The following CORIN variants were observed in gnomAD, a reference collection of about 807,000 sequenced individuals.
CORIN encodes corin, serine peptidase.
CORIN carries 117 observed loss-of-function variants against 125.3 expected under a neutral mutation model. The ratio of observed to expected loss-of-function variants is 0.93; its 90% confidence interval spans 0.80 to 1.09. The LOEUF (loss-of-function observed/expected upper bound fraction) is 1.09. Ranked by LOEUF, CORIN falls within the 50% of genes least tolerant of loss-of-function variation. The pLI is 0.00. For synonymous variants in CORIN, 450 were observed against 466.4 expected (o/e 0.96, Z 0.45); for missense variants, 1,253 against 1,306.7 (o/e 0.96, Z 0.63).
intron 5 of CORIN, among the ~76,000 whole-genome samples, chr4:47,738,284 G>C (rs938457620): frequency 2.6e-5 from 4 of 152,158 alleles, no homozygotes; most frequent in Admixed American, 2.0e-4. Flanking sequence ...TGTAAACTCT[G>C]CTATAGTATT....
intron 5 of CORIN, among the ~76,000 whole-genome samples, chr4:47,707,411 T>C (rs1726623907): frequency 2.0e-5 from 3 of 152,196 alleles, no homozygotes; most frequent in African/African-American, 7.2e-5. Flanking sequence ...GAAGGAATCC[T>C]GGGAGGTCTC....
rs3749585 is a variant in CORIN, at chr4:47,595,573, A to G, written c.*148T>C. The stretch of plus-strand genomic sequence containing the variant: ...AAAATAAATTGAAAAAAATTAGTCC[A>G]AAACAAACATGCAAATTTGCAGTGC... On this transcript the variant is annotated 3_prime_UTR_variant, in exon 22 of 22. Transcript: ENST00000273857. 62,833 of 512,444 alleles carry G rather than the reference A, an allele frequency of 0.12. 6,367 individuals carry two copies. Among genetic ancestry groups the G allele is most frequent in the East Asian group, 0.48 (15,680 of 32,366 alleles). 31.7% of individuals were successfully genotyped at this position (512,444 alleles called of 1,614,324 possible).
Position 47,814,115 on chromosome 4 carries a change from G to T in CORIN, c.64-7068C>A, listed in dbSNP as rs181204455. On this transcript the variant is annotated intron_variant, in intron 1 of 21. Coordinates refer to ENST00000273857, the MANE Select transcript of CORIN (RefSeq NM_006587.4). ...TTTAGTACCTTAATTCTTTAGGTAGGAAGATGATAAACTGCAAATATACTC... is the reference window on the plus strand; with the variant it reads ...TTTAGTACCTTAATTCTTTAGGTAGTAAGATGATAAACTGCAAATATACTC... Among the ~76,000 whole-genome samples the T allele has an allele frequency of 6.6e-5, 10 of 152,220 alleles. No homozygotes were observed. In the East Asian group the frequency reaches 1.5e-3, roughly 23 times the overall value.
chr4:47,664,639 A>C (rs969411856), intron 11 of CORIN, among the ~76,000 whole-genome samples: 2 of 152,224 alleles, frequency 1.3e-5, no homozygotes, highest in Non-Finnish European at 2.9e-5. Flanking sequence ...CTTATGTCAT[A>C]TCTCTAACAA....
At chr4:47,685,274 A>C (rs555488967) in intron 6 of CORIN, among the ~76,000 whole-genome samples, 7 of 152,310 alleles carry the variant, frequency 4.6e-5, no homozygotes, top group Admixed American at 2.0e-4. Flanking sequence ...CCAACTACTC[A>C]CTAACTGGAA....
chr4:47,720,400 G>A (rs535781333), intron 5 of CORIN, among the ~76,000 whole-genome samples: 76 of 152,184 alleles, frequency 5.0e-4, no homozygotes, highest in African/African-American at 1.7e-3. Context: ...GTCAATATTC[G>A]CAGTTCTAAA....
At chr4:47,744,207 T>G (rs1296017240) in intron 5 of CORIN, among the ~76,000 whole-genome samples, 195 bp downstream of exon 5, 3 of 152,128 alleles carry the variant, frequency 2.0e-5, no homozygotes, top group African/African-American at 7.2e-5. Flanking sequence ...GGGTGAGATA[T>G]GACAGGCAGC....
chr4:47,639,332 T>G (rs558357112), intron 16 of CORIN, among the ~76,000 whole-genome samples: 1 of 152,310 alleles, frequency 6.6e-6, no homozygotes, highest in East Asian at 1.9e-4. Flanking sequence ...TGGCAAAATA[T>G]CTGGACTTTT....
intron 19 of CORIN, among the ~76,000 whole-genome samples, chr4:47,612,720 A>G (rs1721918508): frequency 6.6e-6 from 1 of 152,194 alleles, no homozygotes; most frequent in African/African-American, 2.4e-5. Context: ...TCTGAAACAA[A>G]GACAAGGGTC....
At chr4:47,689,199 A>C (rs1016411641) in intron 6 of CORIN, among the ~76,000 whole-genome samples, 1 of 152,250 alleles carries the variant, frequency 6.6e-6, no homozygotes, top group African/African-American at 2.4e-5. Flanking sequence ...TGACAACAAC[A>C]GTCACGACCG....
chr4:47,702,369 C>A (rs756863442), intron 5 of CORIN, among the ~76,000 whole-genome samples: 14 of 152,060 alleles, frequency 9.2e-5, no homozygotes, highest in Admixed American at 2.0e-4. Context: ...TAGTCTCTTG[C>A]ATACATATGG....
At chr4:47,742,930 C>T (rs1348748912) in intron 5 of CORIN, among the ~76,000 whole-genome samples, 1 of 151,998 alleles carries the variant, frequency 6.6e-6, no homozygotes, top group African/African-American at 2.4e-5. Context: ...AATAGATATA[C>T]ATGTAATCAT....
At chr4:47,786,222 A>AT (rs1730797127) in intron 3 of CORIN, among the ~76,000 whole-genome samples, 1 of 152,156 alleles carries the variant, frequency 6.6e-6, no homozygotes, top group Non-Finnish European at 1.5e-5. Context: ...ATCTGGGCTA[A>AT]TGGCATTTCA....
At chr4:47,631,841 C>T (rs1178784731) in intron 16 of CORIN, among the ~76,000 whole-genome samples, 1 of 152,084 alleles carries the variant, frequency 6.6e-6, no homozygotes, top group Non-Finnish European at 1.5e-5. Context: ...CAGTGCTATA[C>T]AGAGAAGCAA....
At chr4:47,696,036 T>C (rs1725982521) in intron 5 of CORIN, among the ~76,000 whole-genome samples, 1 of 152,200 alleles carries the variant, frequency 6.6e-6, no homozygotes, top group South Asian at 2.1e-4. Context: ...GGGCACTAGG[T>C]TTGAGTAAAA....
intron 3 of CORIN, among the ~76,000 whole-genome samples, chr4:47,774,540 A>C (rs1255875813): frequency 6.6e-6 from 1 of 152,194 alleles, no homozygotes; most frequent in Non-Finnish European, 1.5e-5. Flanking sequence ...TAAACTTAAA[A>C]ATATGACCAT....
intron 10 of CORIN, among the ~76,000 whole-genome samples, chr4:47,673,003 C>T (rs1724833633): frequency 6.6e-6 from 1 of 151,990 alleles, no homozygotes; most frequent in Admixed American, 6.6e-5. Flanking sequence ...GCAGCAAATG[C>T]AAGGCCGAAG....
rs774046821 is a variant in CORIN, at chr4:47,603,448, C to G, written c.2761G>C (p.Glu921Gln). 3 of 1,614,178 alleles carry G rather than the reference C, an allele frequency of 1.9e-6. No homozygotes were observed. The South Asian group carries it at 3.3e-5, about 18-fold the overall frequency. ...GTGATATAGCAGTACGTGTCAGGCT[C>G]TAGCCACTGCTCCGGGTTGGGCAAG... ...VCLPNPEQWL[E>Q]PDTYCYITGW... is the part of the protein sequence containing the mutation. The change falls in exon 20 of 22, where the codon GAG (glutamate) becomes CAG (glutamine). Residue 921 changes from glutamate (E) to glutamine (Q), a missense_variant. Transcript: ENST00000273857.
intron 5 of CORIN, among the ~76,000 whole-genome samples, chr4:47,739,197 CAAAG>C (rs1006429018): frequency 1.3e-5 from 2 of 151,766 alleles, no homozygotes; most frequent in African/African-American, 4.8e-5. Flanking sequence ...ATCTGCATAA[CAAAG>C]AAGTACAAAA....
Sources: allele counts gnomAD v4.1 joint callset (sites outside exome capture counted in the v4.1 genomes callset), GRCh38; gene constraint gnomAD v4.1.1; transcripts MANE v1.5; gene names NCBI Gene and HGNC (gene_info 2026-07-23, HGNC 2026-07-21).